The following STPG2 variants were observed in gnomAD, a reference collection of about 807,000 sequenced individuals.
STPG2 encodes the protein sperm-tail PG-rich repeat-containing protein 2.
Under a neutral mutation model 54.2 loss-of-function variants are expected in STPG2, and 56 were observed. The ratio of observed to expected loss-of-function variants is 1.03; its 90% CI spans 0.83 to 1.29. The LOEUF (loss-of-function observed/expected upper bound fraction) is 1.29, where lower values mean the gene tolerates loss of function less well. Among genes scored for constraint, STPG2 ranks in the 50% most tolerant of loss-of-function variants. The pLI is 0.00. For missense variants in STPG2, 596 were observed against 544.9 expected, an observed-to-expected ratio of 1.09 and a Z score of -0.93; for synonymous variants, 200 against 181.8, an observed-to-expected ratio of 1.10 and a Z score of -0.81.
At chr4:97,974,584 CG>C (rs1734441939) in intron 6 of STPG2, among the ~76,000 whole-genome samples, 3 of 152,108 alleles carry the variant, frequency 2.0e-5, no homozygotes, top group Non-Finnish European at 2.9e-5. Context: ...AATTGAATCA[CG>C]GGGGTGGGTC....
rs759917623 is a variant in STPG2, at chr4:97,501,005, T to C, written c.462+211694A>G. ...AAAACTATGGCATGTAAGAACCTGT[T>C]TTTCTACTGCTGGGATCATCTAGAA... On this transcript the variant is annotated intron_variant, in intron 4 of 4. Transcript: ENST00000522676. 2.5e-4 allele frequency among the ~76,000 whole-genome samples: 38 copies of C among 152,012 alleles called. 1 individual carries two copies. The highest frequency in any genetic ancestry group is 2.1e-4 in the South Asian group (1 of 4,824).
intron 9 of STPG2, among the ~76,000 whole-genome samples, chr4:97,797,769 C>T (rs1578573361): frequency 6.6e-6 from 1 of 152,152 alleles, no homozygotes; most frequent in East Asian, 1.9e-4. Flanking sequence ...ATGGTACCAG[C>T]TCCTCCTTGT....
intron 9 of STPG2, among the ~76,000 whole-genome samples, chr4:97,784,700 T>C (rs1055364932): frequency 1.4e-5 from 1 of 73,294 alleles, no homozygotes; most frequent in African/African-American, 5.5e-5. Flanking sequence ...AATATTACTA[T>C]AGTATTACAA....
chr4:98,033,128 CA>C (rs990597347), intron 5 of STPG2, among the ~76,000 whole-genome samples: 1 of 69,680 alleles, frequency 1.4e-5, no homozygotes, highest in Admixed American at 1.2e-4. Flanking sequence ...CACACACACA[CA>C]AAAAAAACCC....
At position 97,502,432 on chromosome 4, in the gene STPG2, T is replaced by C. The variant is rs915467270; in HGVS notation, c.462+210267A>G. 2.4e-4 allele frequency among the ~76,000 whole-genome samples: 37 copies of C among 151,926 alleles called. 2 individuals are homozygous for C. Among genetic ancestry groups the C allele is most frequent in the Admixed American group, 1.3e-4 (2 of 15,240 alleles). On this transcript the variant is annotated intron_variant, in intron 4 of 4. Coordinates refer to the STPG2 transcript ENST00000522676. ...TTCAATTTTCTGATGGGGAAAACAA[T>C]GTGTGAGTGAAAATTGTTATCCAAA...
chr4:97,978,881 C>T (rs1309246655), intron 6 of STPG2, among the ~76,000 whole-genome samples: 2 of 152,082 alleles, frequency 1.3e-5, no homozygotes, highest in Non-Finnish European at 2.9e-5. Flanking sequence ...ATGGTAATCC[C>T]TCATAGAACT....
Position 98,019,925 on chromosome 4 carries a change from A to G in STPG2, c.613-38607T>C, listed in dbSNP as rs879469858. 1.2e-4 allele frequency among the ~76,000 whole-genome samples: 14 copies of G among 121,306 alleles called. No individual in the cohort carries two copies. The East Asian group carries it at 1.8e-3, about 15-fold the overall frequency. 79.6% of individuals were successfully genotyped at this position (121,306 alleles called of 152,430 possible). A position where few individuals can be genotyped will look rare whatever the true frequency, so the allele number is the denominator to read the frequency against. ...GCTTAAGGAGATTTTGGGCTGAGAC[A>G]ATGGGGTTTTCTAGATATACAATCA... On this transcript the variant is annotated intron_variant, in intron 5 of 10. Coordinates refer to ENST00000295268, the MANE Select transcript of STPG2 (RefSeq NM_174952.3).
chr4:98,017,335 T>C (rs7696715), intron 5 of STPG2, among the ~76,000 whole-genome samples: 59,799 of 151,976 alleles, frequency 0.39, 11,964 homozygotes, highest in Middle Eastern at 0.46. Context: ...GATGTTGGCC[T>C]GAAGCCTGGA....
intron 8 of STPG2, among the ~76,000 whole-genome samples, chr4:97,903,295 G>C (rs1355584269): frequency 7.9e-5 from 12 of 152,058 alleles, no homozygotes; most frequent in Admixed American, 7.9e-4. Context: ...ATTCTACAAT[G>C]TATGTGCATA....
At chr4:98,033,157 A>T (rs563657324) in intron 5 of STPG2, among the ~76,000 whole-genome samples, 1 of 152,246 alleles carries the variant, frequency 6.6e-6, no homozygotes, top group East Asian at 1.9e-4. Context: ...AAATCAATGA[A>T]TCCAGGAGCT....
intron 8 of STPG2, among the ~76,000 whole-genome samples, chr4:97,921,552 G>A (rs1732108302): frequency 6.6e-6 from 1 of 151,356 alleles, no homozygotes. Flanking sequence ...TCAAGCAGAA[G>A]AAAGAATTAG....
intron 5 of STPG2, among the ~76,000 whole-genome samples, chr4:98,020,489 T>G (rs1057024782): frequency 6.6e-6 from 1 of 151,866 alleles, no homozygotes; most frequent in Non-Finnish European, 1.5e-5. Context: ...CTTTTTTGGT[T>G]GTATCTCTGC....
At chr4:97,488,869 G>A (rs1730435853) in intron 4 of STPG2, among the ~76,000 whole-genome samples, 1 of 151,660 alleles carries the variant, frequency 6.6e-6, no homozygotes, top group Non-Finnish European at 1.5e-5. Flanking sequence ...AACTGTGATA[G>A]GTCTGAGATG....
intron 8 of STPG2, among the ~76,000 whole-genome samples, chr4:97,932,681 G>C (rs527977206): frequency 6.6e-6 from 1 of 152,064 alleles, no homozygotes; most frequent in African/African-American, 2.4e-5. Flanking sequence ...CCATGCACCC[G>C]CAAAGGACAT....
chr4:97,998,479 A>C (rs1735312147), intron 5 of STPG2, among the ~76,000 whole-genome samples: 1 of 152,194 alleles, frequency 6.6e-6, no homozygotes, highest in Non-Finnish European at 1.5e-5. Flanking sequence ...GAAATACTAC[A>C]TGCATCAGAA....
chr4:98,134,579 C>A (rs1560695074), intron 1 of STPG2, 120 bp from the exon 2 acceptor site: 2 of 405,654 alleles, frequency 4.9e-6, no homozygotes, highest in Non-Finnish European at 8.7e-6. Flanking sequence ...ATTTTCAGAA[C>A]TGTCTAGTCA....
At chr4:98,041,224 T>C (rs1736944419) in intron 5 of STPG2, among the ~76,000 whole-genome samples, 1 of 151,820 alleles carries the variant, frequency 6.6e-6, no homozygotes, top group African/African-American at 2.4e-5. Context: ...ATGTTAAGAG[T>C]CTTTTGGAGA....
chr4:97,755,181 T>A (rs1725691303), intron 9 of STPG2, among the ~76,000 whole-genome samples: 1 of 152,180 alleles, frequency 6.6e-6, no homozygotes, highest in African/African-American at 2.4e-5. Flanking sequence ...ACAGGCATCT[T>A]TAATTATATT....
chr4:97,560,486 T>C (rs1732198670), intron 10 of STPG2, among the ~76,000 whole-genome samples: 1 of 152,134 alleles, frequency 6.6e-6, no homozygotes, highest in Non-Finnish European at 1.5e-5. Context: ...TCTTTGTAAA[T>C]GTAAGGGAAT....
Sources: allele counts gnomAD v4.1 joint callset (sites outside exome capture counted in the v4.1 genomes callset), GRCh38; gene constraint gnomAD v4.1.1; transcripts MANE v1.5; gene names NCBI Gene and HGNC (gene_info 2026-07-23, HGNC 2026-07-21).